BRINP3: variants seen among roughly 807,000 people sequenced by gnomAD.
BRINP3 encodes the protein BMP/retinoic acid inducible neural specific 3.
In BRINP3, 19 loss-of-function variants were observed where a neutral mutation model predicts 71.0. The observed-to-expected ratio is 0.27, with a 90% CI of 0.19 to 0.39. BRINP3 has a LOEUF of 0.39. Ranked by LOEUF, BRINP3 falls within the 10% of genes least tolerant of loss-of-function variation. The pLI, the probability that BRINP3 is intolerant of heterozygous loss-of-function variation, is 1.00. For synonymous variants in BRINP3, 380 were observed against 337.7 expected (o/e 1.13, Z -1.37); for missense variants, 959 against 940.8 (o/e 1.02, Z -0.25).
At position 190,172,931 on chromosome 1, in the gene BRINP3, G is replaced by A. The variant is rs542216554; in HGVS notation, c.962-12041C>T. 3.9e-5 allele frequency among the ~76,000 whole-genome samples: 6 copies of A among 152,108 alleles called. No individual in the cohort carries two copies. The East Asian group carries it at 5.8e-4, about 15-fold the overall frequency. ...AATGGCCAGATGCATGCAACCTCTC[G>A]GACCTGTCTGCAAACTAAGCTTTCT... On this transcript the variant is annotated intron_variant, in intron 6 of 7. Transcript: ENST00000367462.
In BRINP3 at chr1:190,396,268, T is replaced by C. The variant is rs181674892; in HGVS notation, c.236+58387A>G. On this transcript the variant is annotated intron_variant, in intron 2 of 7. Coordinates refer to ENST00000367462, the MANE Select transcript of BRINP3 (RefSeq NM_199051.3). ...AGTTATGTCTTCCACCAAGTAAGAA[T>C]TACCAGCTTTTAGTTCCGTTTAAAT... Among the ~76,000 whole-genome samples, 407 of 152,016 alleles carry C rather than the reference T, an allele frequency of 2.7e-3. 2 individuals are homozygous for C. Among genetic ancestry groups the C allele is most frequent in the African/African-American group, 9.3e-3 (386 of 41,522 alleles).
chr1:190,100,261 T>C (rs1334262488), intron 7 of BRINP3, among the ~76,000 whole-genome samples: 1 of 152,216 alleles, frequency 6.6e-6, no homozygotes, highest in East Asian at 1.9e-4. Context: ...TTAATACATT[T>C]TGGATTTCCT....
rs74129301 is a variant in BRINP3, at chr1:190,338,804, G to A, written c.237-57054C>T. On this transcript the variant is annotated intron_variant, in intron 2 of 7. Transcript: ENST00000367462. ...ATAATGTAATTTTAGACTTAGAAAA[G>A]GTAAGGAGTTTTAATTAAGAAAAAC... is the stretch of plus-strand genomic sequence containing the variant. 7.1e-3 allele frequency among the ~76,000 whole-genome samples: 1,079 copies of A among 151,596 alleles called. 16 individuals carry two copies. The highest frequency in any genetic ancestry group is 0.024 in the African/African-American group (1,012 of 41,388).
At position 190,145,108 on chromosome 1, in the gene BRINP3, C is replaced by CA. The variant is rs1346941077; in HGVS notation, c.1184+15559dup. Among the ~76,000 whole-genome samples the CA allele has an allele frequency of 3.9e-5, 6 of 152,024 alleles. No homozygotes were observed. In the East Asian group the frequency reaches 1.2e-3, roughly 29 times the overall value. ...AATTTGCCCATTTACTTTATTTTTTCACCCCACTAAATTATTAACTCATAA... is the reference window on the plus strand; with the variant it reads ...AATTTGCCCATTTACTTTATTTTTTCAACCCCACTAAATTATTAACTCATAA... On this transcript the variant is annotated intron_variant, in intron 7 of 7. Coordinates refer to ENST00000367462, the MANE Select transcript of BRINP3 (RefSeq NM_199051.3).
At chr1:190,257,320 A>G (rs768407290) in intron 4 of BRINP3, among the ~76,000 whole-genome samples, 59 of 152,096 alleles carry the variant, frequency 3.9e-4, no homozygotes, top group Non-Finnish European at 6.9e-4. Flanking sequence ...TTCTCGTGCC[A>G]TGGTTTTCAG....
Position 190,382,181 on chromosome 1 carries a change from G to GA in BRINP3, c.236+72473dup, listed in dbSNP as rs60466724. 8.2e-3 allele frequency among the ~76,000 whole-genome samples: 1,236 copies of GA among 150,102 alleles called. 18 individuals are homozygous for GA. The highest frequency in any genetic ancestry group is 0.026 in the African/African-American group (1,072 of 40,754). ...TTCCATGACATGAAATACAAAATCA[G>GA]AAAAAAAAAATCTAGATGCATGTAT... On this transcript the variant is annotated intron_variant, in intron 2 of 7. Transcript: ENST00000367462.
chr1:190,466,002 A>G (rs533831611), intron 1 of BRINP3, among the ~76,000 whole-genome samples: 1 of 151,924 alleles, frequency 6.6e-6, no homozygotes, highest in Non-Finnish European at 1.5e-5. Flanking sequence ...CTAAGAATAG[A>G]AAGTGTTCCA....
chr1:190,337,505 C>T (rs75447262), intron 2 of BRINP3, among the ~76,000 whole-genome samples: 2 of 152,112 alleles, frequency 1.3e-5, no homozygotes, highest in East Asian at 2.0e-4. Flanking sequence ...CATGGAAGGG[C>T]TAGACTGGCT....
At chr1:190,247,473 G>C (rs1659715169) in intron 4 of BRINP3, among the ~76,000 whole-genome samples, 1 of 151,882 alleles carries the variant, frequency 6.6e-6, no homozygotes, top group Non-Finnish European at 1.5e-5. Flanking sequence ...CAGAAGAATT[G>C]CATTTCACAG....
intron 7 of BRINP3, among the ~76,000 whole-genome samples, chr1:190,133,549 C>T (rs1435167581): frequency 6.6e-6 from 1 of 151,874 alleles, no homozygotes; most frequent in African/African-American, 2.4e-5. Flanking sequence ...GGATGAAAAG[C>T]ATAATGGATG....
chr1:190,143,940 C>T (rs948616936), intron 7 of BRINP3, among the ~76,000 whole-genome samples: 1 of 152,118 alleles, frequency 6.6e-6, no homozygotes, highest in Admixed American at 6.6e-5. Context: ...ATCAATAAAA[C>T]ATTAATCTAA....
At chr1:190,341,290 GACAA>G (rs1667639167) in intron 2 of BRINP3, among the ~76,000 whole-genome samples, 3 of 151,712 alleles carry the variant, frequency 2.0e-5, no homozygotes, top group African/African-American at 7.3e-5. Context: ...AATGTAGTAG[GACAA>G]ATAATCACTT....
intron 4 of BRINP3, among the ~76,000 whole-genome samples, chr1:190,241,442 C>A (rs1659084293): frequency 6.6e-6 from 1 of 151,924 alleles, no homozygotes; most frequent in Non-Finnish European, 1.5e-5. Context: ...GGAAACTTTG[C>A]TTGGCTTAAT....
intron 7 of BRINP3, among the ~76,000 whole-genome samples, chr1:190,135,983 T>C (rs1373587238): frequency 6.6e-6 from 1 of 152,078 alleles, no homozygotes; most frequent in Non-Finnish European, 1.5e-5. Flanking sequence ...CCATGAAATG[T>C]ACTTAAAATT....
chr1:190,343,892 T>G (rs1425516014), intron 2 of BRINP3, among the ~76,000 whole-genome samples: 3 of 151,726 alleles, frequency 2.0e-5, no homozygotes, highest in Admixed American at 1.3e-4. Context: ...TATAGACTTG[T>G]TCCTAAGTCC....
At chr1:190,379,193 A>T (rs896203330) in intron 2 of BRINP3, among the ~76,000 whole-genome samples, 1 of 152,216 alleles carries the variant, frequency 6.6e-6, no homozygotes, top group Admixed American at 6.5e-5. Flanking sequence ...TTTTTATTAC[A>T]TGATTTAAAA....
At chr1:190,412,327 A>T (rs1380631701) in intron 2 of BRINP3, among the ~76,000 whole-genome samples, 1 of 150,518 alleles carries the variant, frequency 6.6e-6, no homozygotes, top group Non-Finnish European at 1.5e-5. Flanking sequence ...AAGGAAATTT[A>T]AAAATCATAT....
At chr1:190,209,882 A>G (rs541756457) in intron 6 of BRINP3, among the ~76,000 whole-genome samples, 1 of 152,116 alleles carries the variant, frequency 6.6e-6, no homozygotes, top group African/African-American at 2.4e-5. Context: ...AGAATAGTCC[A>G]CTTGTATGCT....
At chr1:190,426,329 C>T (rs968132478) in intron 2 of BRINP3, among the ~76,000 whole-genome samples, 1 of 151,684 alleles carries the variant, frequency 6.6e-6, no homozygotes, top group African/African-American at 2.4e-5. Flanking sequence ...TAACAAGAGA[C>T]AACTGTAATC....
Sources: allele counts gnomAD v4.1 joint callset (sites outside exome capture counted in the v4.1 genomes callset), GRCh38; gene constraint gnomAD v4.1.1; transcripts MANE v1.5; gene names NCBI Gene and HGNC (gene_info 2026-07-23, HGNC 2026-07-21).